Variants in KCNC4 observed in about 807,000 individuals in gnomAD.
The protein encoded by KCNC4 is voltage-gated potassium channel KCNC4.
A neutral mutation model predicts 42.8 loss-of-function variants in KCNC4; 23 were observed. The ratio of observed to expected loss-of-function variants is 0.54; its 90% CI spans 0.39 to 0.76. The LOEUF is 0.76. Ranked by LOEUF, KCNC4 falls within the 30% of genes least tolerant of loss-of-function variation. The probability of loss-of-function intolerance (pLI) is 0.00; values close to 1 mark genes in which losing one functional copy is unlikely to be tolerated. For missense variants in KCNC4, 751 were observed against 898.2 expected (o/e 0.84, Z 2.10); for synonymous variants, 422 against 393.5 (o/e 1.07, Z -0.86).
downstream of KCNC4, chr1:110,235,927 A>T (rs1658894747): frequency 6.6e-6 from 1 of 152,206 alleles, no homozygotes; most frequent in African/African-American, 2.4e-5. Flanking sequence ...TTTTAAATGT[A>T]GTATCTGCCT....
Position 110,211,480 on chromosome 1 carries a change from G to C in KCNC4, c.-20G>C. ...TGGAGGGCAGCGGCCGCCCCAAGCCGGAGCCCCGCAGCGCTTCTTATGATC... is the reference window on the plus strand; with the variant it reads ...TGGAGGGCAGCGGCCGCCCCAAGCCCGAGCCCCGCAGCGCTTCTTATGATC... On this transcript the variant is annotated 5_prime_UTR_variant, in exon 1 of 4. Coordinates refer to ENST00000438661, the MANE Select transcript of KCNC4 (RefSeq NM_001039574.3). The surrounding 1 kb of genome is among the most constrained non-coding windows in gnomAD (Gnocchi z 6.5). 6.3e-7 allele frequency: 1 copy of C among 1,597,692 alleles called. No homozygotes were observed. The highest frequency in any genetic ancestry group is 1.1e-5 in the South Asian group (1 of 89,808).
At chr1:110,226,273 A>G in intron 3 of KCNC4, 95 bp downstream of exon 3, 1 of 1,030,754 alleles carries the variant, frequency 9.7e-7, no homozygotes, top group South Asian at 1.3e-5. Flanking sequence ...CTCCCCTGAG[A>G]CCGTGGCCGC....
downstream of KCNC4, chr1:110,236,556 G>A (rs1002165923): frequency 2.6e-5 from 4 of 152,178 alleles, no homozygotes; most frequent in South Asian, 2.1e-4. Flanking sequence ...TCCCTTTTAC[G>A]TGTATGTACC....
chr1:110,216,101 G>T lies in KCNC4; in HGVS notation c.678+3924G>T, dbSNP rs74652152. On this transcript the variant is annotated intron_variant, in intron 1 of 3. Transcript: ENST00000438661. ...GACTAAGGGAAGCTCCCTGGCCCAG[G>T]CAGAGCATGAAACCAAGGCCTTCTA... Among the ~76,000 whole-genome samples the T allele has an allele frequency of 5.1e-3, 779 of 152,328 alleles. 46 individuals are homozygous for T. The South Asian group carries it at 0.1, about 20-fold the overall frequency.
exon 4 of KCNC4, chr1:110,240,972 C>G (rs956746804): frequency 6.6e-6 from 1 of 152,290 alleles, no homozygotes; most frequent in African/African-American, 2.4e-5. Context: ...ACACTGCCCC[C>G]CTGGAAAATT....
At chr1:110,255,875 C>T (rs1659320678) in intron 1 of KCNC4, among the ~76,000 whole-genome samples, 1 of 152,226 alleles carries the variant, frequency 6.6e-6, no homozygotes, top group South Asian at 2.1e-4. Flanking sequence ...TTCTCACTCA[C>T]ACTTGCTGTG....
chr1:110,258,614 A>G (rs1659375867), intron 1 of KCNC4, among the ~76,000 whole-genome samples: 1 of 152,164 alleles, frequency 6.6e-6, no homozygotes, highest in South Asian at 2.1e-4. Context: ...ATGAGAGAAA[A>G]ACACCCATCC....
downstream of KCNC4, chr1:110,283,174 G>A (rs1001714467): frequency 6.6e-6 from 1 of 152,148 alleles, no homozygotes; most frequent in African/African-American, 2.4e-5. Flanking sequence ...ATTCCTGTGA[G>A]AACTAGTTCA....
At chr1:110,283,675 T>C (rs1465972176), downstream of KCNC4, among the ~76,000 whole-genome samples, 3 of 152,172 alleles carry the variant, frequency 2.0e-5, no homozygotes, top group African/African-American at 7.2e-5. Flanking sequence ...TCCTGACGAC[T>C]TTTTTTGGAC....
intron 1 of KCNC4, among the ~76,000 whole-genome samples, chr1:110,260,855 G>A (rs896317700): frequency 1.3e-5 from 2 of 152,196 alleles, no homozygotes; most frequent in African/African-American, 4.8e-5. Flanking sequence ...GTGTGAACCG[G>A]GGAGGCGGAG....
rs772777425 is a variant in KCNC4, at chr1:110,211,771, G to A, written c.272G>A (p.Gly91Asp). 3.0e-5 allele frequency: 48 copies of A among 1,610,236 alleles called. 1 individual carries two copies. In the South Asian group the frequency reaches 4.4e-4, roughly 15 times the overall value. Residue 91 changes from glycine to aspartate, a missense_variant, in exon 1 of 4, where the codon GGC becomes GAC. This residue lies in a region of KCNC4 where 183 missense variants were observed against 255.8 expected (regional missense o/e 0.72). Transcript: ENST00000438661. The surrounding 1 kb of genome is among the most constrained non-coding windows in gnomAD (Gnocchi z 6.5). ...AGCAGCGGCAGCAGCGGCGGCGGGG[G>A]CTGCGAGTTCTTCTTCGACAGGCAC... is the stretch of plus-strand genomic sequence containing the variant. ...VGSSGSSGGG[G>D]CEFFFDRHPG...
chr1:110,257,442 G>C (rs1291847531), intron 1 of KCNC4, among the ~76,000 whole-genome samples: 1 of 151,816 alleles, frequency 6.6e-6, no homozygotes, highest in African/African-American at 2.4e-5. Flanking sequence ...GGGACCGGGT[G>C]CGGTGGCTCA....
Position 110,272,155 on chromosome 1 carries a change from A to G in KCNC4, n.31-10379A>G, listed in dbSNP as rs547146505. On this transcript the variant is annotated intron_variant and non_coding_transcript_variant, in intron 1 of 2. Coordinates refer to the KCNC4 transcript ENST00000412512. The stretch of plus-strand genomic sequence containing the variant: ...CCAGCTGGACTGCCTTATGTGTTCT[A>G]TGTGACCATCCAGCTACAGCTGGTT... 6.6e-5 allele frequency among the ~76,000 whole-genome samples: 10 copies of G among 152,270 alleles called. No homozygotes were observed. The East Asian group carries it at 1.5e-3, about 24-fold the overall frequency.
At chr1:110,277,708 C>G (rs1659748946) in intron 1 of KCNC4, among the ~76,000 whole-genome samples, 1 of 152,222 alleles carries the variant, frequency 6.6e-6, no homozygotes, top group South Asian at 2.1e-4. Flanking sequence ...GGAGAGGGGA[C>G]AGAAGCAGAG....
chr1:110,273,572 T>C (rs1483004973), intron 1 of KCNC4, among the ~76,000 whole-genome samples: 2 of 152,230 alleles, frequency 1.3e-5, no homozygotes, highest in African/African-American at 4.8e-5. Flanking sequence ...TTGAACTGTG[T>C]TGCTCCTCCC....
chr1:110,227,791 G>C (rs894280019), intron 3 of KCNC4, among the ~76,000 whole-genome samples: 4 of 152,210 alleles, frequency 2.6e-5, no homozygotes, highest in Admixed American at 6.5e-5. Context: ...AATAGGTGTG[G>C]AAGAGGCCGT....
At chr1:110,257,897 T>G (rs1285732713) in intron 1 of KCNC4, among the ~76,000 whole-genome samples, 4 of 152,102 alleles carry the variant, frequency 2.6e-5, no homozygotes, top group Non-Finnish European at 4.4e-5. Flanking sequence ...ATCACATCCA[T>G]ATTTCAGGCA....
In KCNC4 at chr1:110,222,669, G is replaced by A. The variant is rs1658162764; in HGVS notation, c.679-295G>A. On this transcript the variant is annotated intron_variant, in intron 1 of 3. Transcript: ENST00000438661. ...AGCCTTAAAATGCAAATGGGTCAGAGGTGGGCAGAGCTATCAAAGGCAGGT... is the reference window on the plus strand; with the variant it reads ...AGCCTTAAAATGCAAATGGGTCAGAAGTGGGCAGAGCTATCAAAGGCAGGT... 7.9e-6 allele frequency: 3 copies of A among 380,422 alleles called. No individual in the cohort carries two copies. The Admixed American group carries it at 1.2e-4, about 15-fold the overall frequency. The allele number at this position is 380,422 out of a possible 1,614,324, so 23.6% of individuals were successfully genotyped here.
chr1:110,271,653 C>T (rs1382157051), intron 1 of KCNC4, among the ~76,000 whole-genome samples: 2 of 152,054 alleles, frequency 1.3e-5, no homozygotes, highest in Non-Finnish European at 2.9e-5. Flanking sequence ...CTTTAGAAGG[C>T]CATTCCAACA....
Sources: allele counts gnomAD v4.1 joint callset (sites outside exome capture counted in the v4.1 genomes callset), GRCh38; gene constraint gnomAD v4.1.1; regional missense constraint gnomAD v4.1.1; non-coding constraint Gnocchi (gnomAD v3.1); transcripts MANE v1.5; gene names NCBI Gene and HGNC (gene_info 2026-07-23, HGNC 2026-07-21).